ADGRV1: variants seen among roughly 807,000 people sequenced by gnomAD.
The protein encoded by ADGRV1 is G-protein coupled receptor 98.
ADGRV1 carries 359 observed loss-of-function variants against 596.2 expected under a neutral mutation model. The observed-to-expected ratio is 0.60, with a 90% CI of 0.55 to 0.66. The LOEUF (loss-of-function observed/expected upper bound fraction) is 0.66, where lower values mean the gene tolerates loss of function less well. Among genes scored for constraint, ADGRV1 ranks in the 30% least tolerant of loss-of-function variants. The pLI, the probability that ADGRV1 is intolerant of heterozygous loss-of-function variation, is 0.00. For synonymous variants in ADGRV1, 2,681 were observed against 2,679.2 expected, an observed-to-expected ratio of 1.00 and a Z score of -0.02; for missense variants, 7,274 against 7,575.6, an observed-to-expected ratio of 0.96 and a Z score of 1.48.
At chr5:90,774,332 A>G (rs1233105566) in intron 60 of ADGRV1, 29 bp downstream of exon 60, 1 of 1,273,498 alleles carries the variant, frequency 7.9e-7, no homozygotes, top group East Asian at 2.3e-5. Context: ...TTTGGAAATT[A>G]AAAAGTAAAT....
chr5:90,930,952 A>G (rs927953422), intron 83 of ADGRV1, among the ~76,000 whole-genome samples: 1 of 152,186 alleles, frequency 6.6e-6, no homozygotes, highest in African/African-American at 2.4e-5. Flanking sequence ...AGTATGTTGC[A>G]TCAGTGATAA....
chr5:90,682,475 T>C (rs1745070609), intron 27 of ADGRV1, among the ~76,000 whole-genome samples: 1 of 152,226 alleles, frequency 6.6e-6, no homozygotes, highest in Admixed American at 6.5e-5. Flanking sequence ...ATATGATGTG[T>C]GTGTTTGTGT....
In ADGRV1 at chr5:91,031,256, T is replaced by C. The variant is rs148432594; in HGVS notation, c.18153-41191T>C. ...AGGGGCTCCTCAGGTTGCTGTTGAA[T>C]GTGTTCCAAGGCCAGCCTGTTGTAA... is the stretch of plus-strand genomic sequence containing the variant. On this transcript the variant is annotated intron_variant, in intron 85 of 89. Coordinates refer to ENST00000405460, the MANE Select transcript of ADGRV1 (RefSeq NM_032119.4). The C allele has an allele frequency of 2.9e-3, 4,554 of 1,589,392 alleles. 134 individuals are homozygous for C. In the African/African-American group the frequency reaches 0.054, roughly 19 times the overall value.
chr5:90,848,860 A>C (rs981890192), intron 79 of ADGRV1, 39 bp downstream of exon 79: 20 of 1,425,168 alleles, frequency 1.4e-5, no homozygotes, highest in African/African-American at 3.0e-5. Context: ...CCTTTTATGC[A>C]TTTTTTTCAC....
rs1028191 is a variant in ADGRV1, at chr5:90,672,809, A to T, written c.4929+87A>T. The stretch of plus-strand genomic sequence containing the variant: ...TTCTGTAATTTCTTTGCAGCTTTTG[A>T]TTGAAGTGTCGCTTCCCATTATTAT... On this transcript the variant is annotated intron_variant, in intron 22 of 89. Transcript: ENST00000405460. 696,312 of 1,019,152 alleles carry T rather than the reference A, an allele frequency of 0.68. 240,790 individuals carry two copies. Among genetic ancestry groups the T allele is most frequent in the African/African-American group, 0.91 (56,925 of 62,312 alleles). 63.1% of individuals were successfully genotyped at this position (1,019,152 alleles called of 1,614,324 possible).
intron 67 of ADGRV1, among the ~76,000 whole-genome samples, chr5:90,786,246 A>G (rs2460174): frequency 0.18 from 23,572 of 128,572 alleles, 4,387 homozygotes; most frequent in African/African-American, 0.49. Flanking sequence ...ACTGGGGCCT[A>G]TTGGGGGGTG....
At chr5:91,066,006 G>T (rs778096091) in intron 85 of ADGRV1, among the ~76,000 whole-genome samples, 1 of 152,158 alleles carries the variant, frequency 6.6e-6, no homozygotes, top group East Asian at 1.9e-4. Flanking sequence ...TTCAACACCC[G>T]AAGAGAGAGA....
chr5:90,967,102 G>A (rs1434001398), intron 84 of ADGRV1, among the ~76,000 whole-genome samples: 1 of 152,160 alleles, frequency 6.6e-6, no homozygotes, highest in Non-Finnish European at 1.5e-5. Flanking sequence ...GTTTTCCCCA[G>A]TATGATATGA....
intron 83 of ADGRV1, among the ~76,000 whole-genome samples, chr5:90,923,084 C>T (rs969747284): frequency 6.6e-6 from 1 of 152,110 alleles, no homozygotes; most frequent in African/African-American, 2.4e-5. Flanking sequence ...TTATTTATTT[C>T]TATGAGAAAT....
chr5:90,663,512 G>A (rs1411028078), intron 21 of ADGRV1, among the ~76,000 whole-genome samples: 22 of 151,034 alleles, frequency 1.5e-4, no homozygotes, highest in Middle Eastern at 3.4e-3. Context: ...CTGGATATTA[G>A]CCCTTTGTCA....
rs774469325 is a variant in ADGRV1, at chr5:90,823,567, T to C, written c.16339T>C (p.Phe5447Leu). 3 of 1,613,936 alleles carry C rather than the reference T, an allele frequency of 1.9e-6. No individual in the cohort carries two copies. Among genetic ancestry groups the C allele is most frequent in the Non-Finnish European group, 2.5e-6 (3 of 1,179,850 alleles). Residue 5447 changes from phenylalanine (F) to leucine (L), a missense_variant, in exon 76 of 90, where the codon TTT (phenylalanine) becomes CTT (leucine). Transcript: ENST00000405460. Reference sequence around the variant, plus strand: ...CTGTACAATGGGTCAAACAAAATGCTTTATCAGCATTGAACTCAAACCAGA... The same window carrying C: ...CTGTACAATGGGTCAAACAAAATGCCTTATCAGCATTGAACTCAAACCAGA... ...TTCTMGQTKC[F>L]ISIELKPEKV...
At chr5:91,023,072 T>C (rs1333121489) in intron 85 of ADGRV1, among the ~76,000 whole-genome samples, 9 of 152,128 alleles carry the variant, frequency 5.9e-5, no homozygotes, top group African/African-American at 2.2e-4. Flanking sequence ...CAGAAATGAT[T>C]GATTTTTCCC....
At chr5:90,973,446 A>T (rs1458416735) in intron 84 of ADGRV1, among the ~76,000 whole-genome samples, 1 of 152,216 alleles carries the variant, frequency 6.6e-6, no homozygotes, top group Non-Finnish European at 1.5e-5. Flanking sequence ...TGATGCAAAA[A>T]TCCTCAATAA....
intron 76 of ADGRV1, among the ~76,000 whole-genome samples, chr5:90,826,420 A>G (rs1307321428): frequency 6.6e-6 from 1 of 152,208 alleles, no homozygotes; most frequent in Non-Finnish European, 1.5e-5. Flanking sequence ...TAGGGTTCTG[A>G]TAATGGAAGA....
intron 77 of ADGRV1, among the ~76,000 whole-genome samples, chr5:90,839,996 G>A (rs1349485328): frequency 1.3e-5 from 2 of 152,166 alleles, no homozygotes; most frequent in Non-Finnish European, 2.9e-5. Flanking sequence ...TGACTAAAGT[G>A]TTCATGCTTC....
chr5:90,988,460 G>A (rs1780675634), intron 85 of ADGRV1, among the ~76,000 whole-genome samples: 1 of 152,086 alleles, frequency 6.6e-6, no homozygotes, highest in South Asian at 2.1e-4. Context: ...TGTTTCCTAA[G>A]TGCTGACTTT....
chr5:90,883,785 A>G (rs1171896361), intron 83 of ADGRV1, among the ~76,000 whole-genome samples: 1 of 152,130 alleles, frequency 6.6e-6, no homozygotes, highest in South Asian at 2.1e-4. Context: ...GGACTGTGGC[A>G]TGGAGAAGTG....
intron 83 of ADGRV1, among the ~76,000 whole-genome samples, chr5:90,943,133 T>C (rs1462244566): frequency 6.6e-6 from 1 of 150,824 alleles, no homozygotes; most frequent in African/African-American, 2.4e-5. Context: ...CTGTCTCTCA[T>C]AAAAGTATTT....
rs1758566709 is a variant in ADGRV1, at chr5:90,779,015, C to T, written c.13000C>T (p.His4334Tyr). ...AGCAGGGGAGATGAGGAAAAGTCTG[C>T]ATGTTGAAATCCTTGATGATGACTA... ...FEAGEMRKSL[H>Y]VEILDDDYPE... Residue 4334 changes from histidine to tyrosine, a missense_variant, in exon 64 of 90, where the codon CAT becomes TAT. Physicochemically the swap from His to Tyr is moderately conservative, Grantham distance 83. Around this residue, in one of 5 missense-constraint regions of ADGRV1, gnomAD observed 3,643 missense variants for 3,809.2 expected, o/e 0.96. Coordinates refer to ENST00000405460, the MANE Select transcript of ADGRV1 (RefSeq NM_032119.4). 2 of 1,613,142 alleles carry T rather than the reference C, an allele frequency of 1.2e-6. No individual in the cohort carries two copies. Among genetic ancestry groups the T allele is most frequent in the Admixed American group, 1.7e-5 (1 of 59,920 alleles).
Sources: gnomAD v4.1 joint callset for allele counts (sites outside exome capture counted in the v4.1 genomes callset) on GRCh38, gnomAD v4.1.1 for gene constraint, gnomAD v4.1.1 regional missense constraint, MANE v1.5 for transcripts, NCBI Gene and HGNC (gene_info 2026-07-23, HGNC 2026-07-21) for gene names.